The following ENPEP variants were observed in gnomAD, a reference collection of about 807,000 sequenced individuals.
ENPEP encodes the protein AP-A.
A neutral mutation model predicts 114.5 loss-of-function variants in ENPEP; 103 were observed. The observed-to-expected ratio is 0.90, with a 90% confidence interval of 0.77 to 1.06. The LOEUF is 1.06. Ranked by LOEUF, ENPEP falls within the 50% of genes least tolerant of loss-of-function variation. The probability of loss-of-function intolerance (pLI) is 0.00; values close to 1 mark genes in which losing one functional copy is unlikely to be tolerated. For synonymous variants in ENPEP, 420 were observed against 422.0 expected (o/e 1.00, Z 0.06); for missense variants, 1,196 against 1,161.3 (o/e 1.03, Z -0.43).
intron 10 of ENPEP, among the ~76,000 whole-genome samples, chr4:110,530,081 GA>G (rs55704506): frequency 1.3e-5 from 2 of 150,246 alleles, no homozygotes; most frequent in Non-Finnish European, 3.0e-5. Context: ...CGTCTAAAAA[GA>G]AAAAAAAAGA....
intron 13 of ENPEP, among the ~76,000 whole-genome samples, chr4:110,547,218 T>C (rs1432904664): frequency 1.3e-5 from 2 of 152,116 alleles, no homozygotes; most frequent in African/African-American, 4.8e-5. Context: ...TTTTAAGCTA[T>C]AGCTTCCAAC....
intron 2 of ENPEP, among the ~76,000 whole-genome samples, chr4:110,490,720 T>A (rs549099354): frequency 1.8e-3 from 269 of 152,346 alleles, no homozygotes; most frequent in Non-Finnish European, 2.6e-3. Flanking sequence ...TGCAGTACTC[T>A]GAAATATTAT....
intron 3 of ENPEP, among the ~76,000 whole-genome samples, 200 bp downstream of exon 3, chr4:110,491,364 A>G (rs557448499): frequency 6.6e-6 from 1 of 152,280 alleles, no homozygotes; most frequent in East Asian, 1.9e-4. Context: ...CACAACAGAC[A>G]TAGATATTTA....
At chr4:110,528,313 G>A (rs1726274585) in intron 10 of ENPEP, among the ~76,000 whole-genome samples, 1 of 152,108 alleles carries the variant, frequency 6.6e-6, no homozygotes, top group Non-Finnish European at 1.5e-5. Context: ...GAACAAATAA[G>A]AAAGAACCAT....
At chr4:110,532,086 T>G (rs1215829862) in intron 11 of ENPEP, among the ~76,000 whole-genome samples, 2 of 152,178 alleles carry the variant, frequency 1.3e-5, no homozygotes, top group African/African-American at 2.4e-5. Context: ...GGCCAATAAA[T>G]TTTTACTCTG....
At chr4:110,515,694 C>T in intron 8 of ENPEP, 1 of 563,110 alleles carries the variant, frequency 1.8e-6, no homozygotes, top group South Asian at 1.6e-5. Context: ...AAACTCCTTA[C>T]ATGTGTCTTA....
rs138273156 is a variant in ENPEP at position 110,485,885 on chromosome 4, T to C, written c.645-2656T>C. ...ATGTGTCTCTCTCAGGAAATCACATTAGAGACACATTGTGCTGGTTTGAAC... is the reference window on the plus strand; with the variant it reads ...ATGTGTCTCTCTCAGGAAATCACATCAGAGACACATTGTGCTGGTTTGAAC... On this transcript the variant is annotated intron_variant, in intron 1 of 19. Coordinates refer to ENST00000265162, the MANE Select transcript of ENPEP (RefSeq NM_001977.4). Among the ~76,000 whole-genome samples, 1,112 of 152,258 alleles carry C rather than the reference T, an allele frequency of 7.3e-3. 5 individuals carry two copies. Among genetic ancestry groups the C allele is most frequent in the Non-Finnish European group, 0.012 (800 of 68,016 alleles).
intron 14 of ENPEP, among the ~76,000 whole-genome samples, chr4:110,548,867 C>G (rs1017237842): frequency 3.3e-5 from 5 of 151,954 alleles, no homozygotes; most frequent in African/African-American, 9.7e-5. Context: ...AATGAAAGAT[C>G]TTGAACAAAT....
intron 10 of ENPEP, among the ~76,000 whole-genome samples, chr4:110,526,414 T>C (rs187902657): frequency 1.3e-5 from 2 of 152,306 alleles, no homozygotes; most frequent in East Asian, 1.9e-4. Flanking sequence ...TCAGATGCAT[T>C]TTATTTTATA....
intron 13 of ENPEP, among the ~76,000 whole-genome samples, chr4:110,544,201 T>A (rs1726962807): frequency 6.6e-6 from 1 of 152,066 alleles, no homozygotes; most frequent in African/African-American, 2.4e-5. Context: ...TCTCTTAACT[T>A]CTCTCTGGCT....
chr4:110,539,940 CA>C (rs1726789847), intron 11 of ENPEP, among the ~76,000 whole-genome samples: 2 of 151,954 alleles, frequency 1.3e-5, no homozygotes, highest in Admixed American at 6.6e-5. Flanking sequence ...TGAAATCTAT[CA>C]GGGTTGAAAT....
intron 10 of ENPEP, among the ~76,000 whole-genome samples, chr4:110,526,783 C>T (rs984851766): frequency 1.3e-5 from 2 of 152,094 alleles, no homozygotes; most frequent in African/African-American, 2.4e-5. Context: ...TTGCAATGAG[C>T]AGCCCACGTG....
chr4:110,541,407 A>G (rs1490816457), intron 11 of ENPEP, among the ~76,000 whole-genome samples: 3 of 152,100 alleles, frequency 2.0e-5, no homozygotes, highest in Admixed American at 6.6e-5. Flanking sequence ...GACTGTCCAC[A>G]TCAAGTCAGA....
intron 7 of ENPEP, 107 bp downstream of exon 7, chr4:110,513,656 G>A (rs1725661920): frequency 7.2e-7 from 1 of 1,392,384 alleles, no homozygotes; most frequent in East Asian, 2.3e-5. Context: ...GTGAGCTTTG[G>A]AAAACAGTGT....
chr4:110,532,344 C>T (rs1726438898), intron 11 of ENPEP, among the ~76,000 whole-genome samples: 1 of 152,160 alleles, frequency 6.6e-6, no homozygotes, highest in African/African-American at 2.4e-5. Flanking sequence ...GGTCATTTCA[C>T]ATAAATAAAA....
intron 11 of ENPEP, among the ~76,000 whole-genome samples, chr4:110,536,347 A>G (rs1726625254): frequency 6.6e-6 from 1 of 152,144 alleles, no homozygotes. Context: ...CCAAATAATG[A>G]CTTGGAAATC....
intron 8 of ENPEP, among the ~76,000 whole-genome samples, chr4:110,518,723 G>A (rs1279220982): frequency 1.3e-5 from 2 of 152,140 alleles, no homozygotes; most frequent in Non-Finnish European, 2.9e-5. Flanking sequence ...CACCTCTGAA[G>A]GCACCCAGGT....
At chr4:110,477,741 T>A (rs1292627643) in intron 1 of ENPEP, among the ~76,000 whole-genome samples, 1 of 152,174 alleles carries the variant, frequency 6.6e-6, no homozygotes, top group Non-Finnish European at 1.5e-5. Context: ...CATGATACAA[T>A]GTGCAAACAT....
In ENPEP at chr4:110,520,325, G is replaced by A; in HGVS notation, c.1686G>A (p.Leu562=). 1 of 1,614,008 alleles carries A rather than the reference G, an allele frequency of 6.2e-7. No individual in the cohort carries two copies. Among genetic ancestry groups the A allele is most frequent in the Admixed American group, 1.7e-5 (1 of 60,006 alleles). Residue 562 remains leucine, a synonymous_variant, in exon 10 of 20, where the codon TTG becomes TTA. Transcript: ENST00000265162. The part of the protein sequence containing the change: ...VKNITQKRFL[L]DPRANPSQPP... ...ACATCACACAGAAACGCTTTTTGTT[G>A]GACCCAAGAGCTAACCCTTCTCAGC...
Sources: allele counts gnomAD v4.1 joint callset (sites outside exome capture counted in the v4.1 genomes callset), GRCh38; gene constraint gnomAD v4.1.1; transcripts MANE v1.5; gene names NCBI Gene and HGNC (gene_info 2026-07-23, HGNC 2026-07-21).